GABRG3: variants seen among roughly 807,000 people sequenced by gnomAD.
The protein encoded by GABRG3 is gamma-aminobutyric acid receptor subunit gamma-3.
In GABRG3, 25 loss-of-function variants were observed where a neutral mutation model predicts 48.8. The ratio of observed to expected loss-of-function variants is 0.51; its 90% CI spans 0.37 to 0.72. The LOEUF (loss-of-function observed/expected upper bound fraction) is 0.72, where lower values mean the gene tolerates loss of function less well. GABRG3 is among the 30% of genes least tolerant of loss of function. The pLI is 0.00. For synonymous variants in GABRG3, 227 were observed against 217.6 expected (o/e 1.04, Z -0.38); for missense variants, 394 against 577.9 (o/e 0.68, Z 3.26).
At chr15:27,262,844 T>G (rs1448158855) in intron 3 of GABRG3, among the ~76,000 whole-genome samples, 1 of 152,232 alleles carries the variant, frequency 6.6e-6, no homozygotes. Context: ...CAAATAATTT[T>G]GAGATAACAG....
intron 3 of GABRG3, among the ~76,000 whole-genome samples, chr15:27,152,878 T>G (rs907240750): frequency 6.7e-6 from 1 of 150,364 alleles, no homozygotes; most frequent in African/African-American, 2.5e-5. Flanking sequence ...TTTTTTTTTT[T>G]GAGATGGAGT....
chr15:27,284,384 T>A (rs180764491), intron 3 of GABRG3, among the ~76,000 whole-genome samples: 3 of 152,318 alleles, frequency 2.0e-5, no homozygotes, highest in Admixed American at 6.5e-5. Flanking sequence ...AAGTGACCCT[T>A]GATATCAGTG....
chr15:27,465,809 C>T (rs1319566922), intron 5 of GABRG3, among the ~76,000 whole-genome samples: 1 of 152,170 alleles, frequency 6.6e-6, no homozygotes, highest in Non-Finnish European at 1.5e-5. Context: ...CAGTTATATA[C>T]ACATAGTGAA....
intron 3 of GABRG3, among the ~76,000 whole-genome samples, chr15:27,315,047 A>G (rs953601158): frequency 6.6e-6 from 1 of 152,206 alleles, no homozygotes; most frequent in Non-Finnish European, 1.5e-5. Flanking sequence ...TTGTTAAGAC[A>G]GTAGACCTCA....
At chr15:27,019,937 A>G (rs1427853475) in intron 2 of GABRG3, among the ~76,000 whole-genome samples, 1 of 152,188 alleles carries the variant, frequency 6.6e-6, no homozygotes, top group Non-Finnish European at 1.5e-5. Flanking sequence ...TTAAGCATAA[A>G]CATTATTTGA....
chr15:27,110,728 C>A (rs1897534722), intron 3 of GABRG3, among the ~76,000 whole-genome samples: 1 of 152,006 alleles, frequency 6.6e-6, no homozygotes, highest in Admixed American at 6.6e-5. Context: ...TGCATAATTT[C>A]TGATGAGACA....
chr15:27,239,515 C>A (rs1890074224), intron 3 of GABRG3, among the ~76,000 whole-genome samples: 1 of 152,178 alleles, frequency 6.6e-6, no homozygotes, highest in Non-Finnish European at 1.5e-5. Flanking sequence ...TACCTCTGAA[C>A]ATGTATATAC....
At chr15:27,277,815 A>G (rs572271715) in intron 3 of GABRG3, among the ~76,000 whole-genome samples, 3 of 152,318 alleles carry the variant, frequency 2.0e-5, no homozygotes, top group East Asian at 1.9e-4. Context: ...TTAAAGCATT[A>G]TCTTTTATTT....
At chr15:27,217,865 C>A (rs1595592667) in intron 3 of GABRG3, among the ~76,000 whole-genome samples, 1 of 152,168 alleles carries the variant, frequency 6.6e-6, no homozygotes, top group Non-Finnish European at 1.5e-5. Flanking sequence ...TTCTTCCCAG[C>A]GGGACGGCTG....
rs11319055 is a variant in GABRG3, at chr15:27,520,883, G to GT, written c.865+769dup. On this transcript the variant is annotated intron_variant, in intron 7 of 9. Coordinates refer to ENST00000615808, the MANE Select transcript of GABRG3 (RefSeq NM_033223.5). ...CATATTTGCATTGTTATTTCTCTGT[G>GT]TTTTTTTTTTATTTGTTTGTTCAAG... Among the ~76,000 whole-genome samples the GT allele has an allele frequency of 2.3e-3, 339 of 149,840 alleles. 2 individuals are homozygous for GT. Among genetic ancestry groups the GT allele is most frequent in the African/African-American group, 6.6e-3 (268 of 40,876 alleles).
rs532082461 is a variant in GABRG3, at chr15:27,145,759, A to G, written c.270+118938A>G. Among the ~76,000 whole-genome samples, 28 of 152,224 alleles carry G rather than the reference A, an allele frequency of 1.8e-4. 3 individuals are homozygous for G. Among genetic ancestry groups the G allele is most frequent in the African/African-American group, 4.1e-4 (17 of 41,538 alleles). On this transcript the variant is annotated intron_variant, in intron 3 of 9. Coordinates refer to ENST00000615808, the MANE Select transcript of GABRG3 (RefSeq NM_033223.5). ...ATGAAAACCATTTATTTTCATATCA[A>G]GTAATCTCAATGGACTCTCAATAGG...
intron 3 of GABRG3, among the ~76,000 whole-genome samples, chr15:27,082,788 G>C (rs1897012806): frequency 6.6e-6 from 1 of 152,196 alleles, no homozygotes; most frequent in African/African-American, 2.4e-5. Flanking sequence ...GTAGACCCTG[G>C]CTTGGTGAAT....
intron 3 of GABRG3, among the ~76,000 whole-genome samples, chr15:27,129,652 A>G (rs1430186629): frequency 6.6e-6 from 1 of 151,296 alleles, no homozygotes; most frequent in Non-Finnish European, 1.5e-5. Context: ...CATTGTTACC[A>G]GCAGTGCAAA....
intron 5 of GABRG3, among the ~76,000 whole-genome samples, chr15:27,418,285 G>C (rs1449426806): frequency 6.6e-6 from 1 of 152,204 alleles, no homozygotes; most frequent in African/African-American, 2.4e-5. Flanking sequence ...AAAATGGGAA[G>C]GGAAGGAGCA....
chr15:27,295,057 C>A (rs1295169323), intron 3 of GABRG3: 2 of 152,082 alleles, frequency 1.3e-5, no homozygotes, highest in Non-Finnish European at 2.9e-5. Context: ...TTCACCCAAT[C>A]TTGAGAAAAT....
At chr15:27,147,265 A>C (rs879901316) in intron 3 of GABRG3, among the ~76,000 whole-genome samples, 1 of 152,128 alleles carries the variant, frequency 6.6e-6, no homozygotes, top group African/African-American at 2.4e-5. Flanking sequence ...ACACATAATA[A>C]ATATAAACAT....
chr15:27,494,523 A>G (rs1218110034), intron 6 of GABRG3, among the ~76,000 whole-genome samples: 1 of 152,146 alleles, frequency 6.6e-6, no homozygotes, highest in East Asian at 1.9e-4. Context: ...TTACTTAATG[A>G]TTATAAGACT....
chr15:27,269,229 C>T (rs1214489512), intron 3 of GABRG3, among the ~76,000 whole-genome samples: 3 of 151,674 alleles, frequency 2.0e-5, no homozygotes, highest in Admixed American at 6.6e-5. Flanking sequence ...CAGTGGTATC[C>T]GTGATTTCAG....
intron 3 of GABRG3, among the ~76,000 whole-genome samples, chr15:27,128,949 T>A (rs1352071800): frequency 6.6e-6 from 1 of 152,244 alleles, no homozygotes; most frequent in African/African-American, 2.4e-5. Flanking sequence ...GGAATTTATA[T>A]CTACTTTTAA....
Sources: gnomAD v4.1 joint callset for allele counts (sites outside exome capture counted in the v4.1 genomes callset) on GRCh38, gnomAD v4.1.1 for gene constraint, MANE v1.5 for transcripts, NCBI Gene and HGNC (gene_info 2026-07-23, HGNC 2026-07-21) for gene names.